Variants in SUPT20H observed in about 807,000 individuals in gnomAD.
SUPT20H encodes the protein SPT20 homolog, SAGA complex component, also known as transcription factor SPT20 homolog.
Under a neutral mutation model 122.8 loss-of-function variants are expected in SUPT20H, and 82 were observed. The ratio of observed to expected loss-of-function variants is 0.67; its 90% confidence interval spans 0.56 to 0.80. The LOEUF (loss-of-function observed/expected upper bound fraction) is 0.80. Ranked by LOEUF, SUPT20H falls within the 30% of genes least tolerant of loss-of-function variation. SUPT20H has a pLI of 0.00. For synonymous variants in SUPT20H, 291 were observed against 313.0 expected (o/e 0.93, Z 0.74); for missense variants, 831 against 921.6 (o/e 0.90, Z 1.27).
At position 37,028,229 on chromosome 13, in the gene SUPT20H, G is replaced by A. The variant is rs1487342895; in HGVS notation, c.1070C>T (p.Ser357Leu). The change falls in exon 14 of 26, where the codon TCG becomes TTG. Residue 357 changes from serine to leucine, a missense_variant. Ser to Leu is a moderately radical substitution (Grantham distance 145, BLOSUM62 -2). Transcript: ENST00000350612. ...ACCATAGTAAAGTGGATCTCCAAGC[G>A]ACTGCAAGATGGTCAGCTTTGTTTT... ...YQKTKLTILQ[S>L]LGDPLYYGKI... 5.6e-6 allele frequency: 9 copies of A among 1,613,224 alleles called. No homozygotes were observed. The highest frequency in any genetic ancestry group is 4.0e-5 in the African/African-American group (3 of 74,812).
intron 1 of SUPT20H, among the ~76,000 whole-genome samples, chr13:37,058,903 CT>C (rs749840412): frequency 2.0e-5 from 3 of 152,214 alleles, no homozygotes; most frequent in Non-Finnish European, 4.4e-5. Flanking sequence ...CCCAAGTACA[CT>C]GTACTCGACT....
intron 2 of SUPT20H, among the ~76,000 whole-genome samples, chr13:37,051,194 C>T (rs1326081512): frequency 6.6e-6 from 1 of 152,118 alleles, no homozygotes; most frequent in Non-Finnish European, 1.5e-5. Context: ...TATTTATACC[C>T]ATCCTCCTTG....
chr13:37,055,839 A>C (rs2068842295), intron 1 of SUPT20H, among the ~76,000 whole-genome samples: 3 of 152,160 alleles, frequency 2.0e-5, no homozygotes, highest in Non-Finnish European at 4.4e-5. Context: ...CAACCTACAG[A>C]ATGGGAGAAA....
At chr13:37,024,975 TC>T in intron 17 of SUPT20H, 1 of 224,340 alleles carries the variant, frequency 4.5e-6, no homozygotes, top group Non-Finnish European at 9.0e-6. Context: ...GGAGTCTTGC[TC>T]TGTTGCCCAG....
rs2063813375 is a variant in SUPT20H, at chr13:37,033,688, A to T, written c.568-100T>A. The T allele has an allele frequency of 2.3e-6, 3 of 1,317,036 alleles. No individual in the cohort carries two copies. In the Admixed American group the frequency reaches 6.6e-5, roughly 29 times the overall value. 81.6% of individuals were successfully genotyped at this position (1,317,036 alleles called of 1,614,324 possible). A position where few individuals can be genotyped will look rare whatever the true frequency, so the allele number is the denominator to read the frequency against. On this transcript the variant is annotated intron_variant, in intron 9 of 25. Transcript: ENST00000350612. ...TAGAAATATTCCCTGGAATTCTGCT[A>T]AGGACTACAGTAAAATATGGTATTT...
chr13:37,019,429 T>C lies in SUPT20H; in HGVS notation c.1817-32A>G, dbSNP rs772397258. On this transcript the variant is annotated intron_variant, in intron 21 of 25. Coordinates refer to ENST00000350612, the MANE Select transcript of SUPT20H (RefSeq NM_001014286.3). The stretch of plus-strand genomic sequence containing the variant: ...AATAAAACTCATGGTTATAACAGAA[T>C]TGAAAGTTTATTACACATGAAAATA... The C allele has an allele frequency of 1.1e-5, 16 of 1,504,616 alleles. No individual in the cohort carries two copies. In the South Asian group the frequency reaches 1.2e-4, roughly 12 times the overall value. 93.2% of individuals were successfully genotyped at this position (1,504,616 alleles called of 1,614,324 possible). A position where few individuals can be genotyped will look rare whatever the true frequency, so the allele number is the denominator to read the frequency against.
chr13:37,041,489 G>A (rs1243918839), intron 7 of SUPT20H, among the ~76,000 whole-genome samples: 1 of 150,866 alleles, frequency 6.6e-6, no homozygotes, highest in African/African-American at 2.4e-5. Flanking sequence ...CTGCATTCCA[G>A]CCTGGGTGAC....
chr13:37,037,335 C>T (rs2064666534), intron 9 of SUPT20H, among the ~76,000 whole-genome samples: 1 of 152,160 alleles, frequency 6.6e-6, no homozygotes, highest in South Asian at 2.1e-4. Context: ...TGTTCAAGGT[C>T]AACTATATAG....
At chr13:37,024,912 A>C (rs2061970611) in intron 17 of SUPT20H, 1 of 176,046 alleles carries the variant, frequency 5.7e-6, no homozygotes, top group Non-Finnish European at 1.2e-5. Flanking sequence ...GTAGAAACAA[A>C]ACTAAACTGT....
At chr13:37,023,587 T>G (rs975432577) in intron 19 of SUPT20H, 1 of 152,950 alleles carries the variant, frequency 6.5e-6, no homozygotes, top group African/African-American at 2.4e-5. Flanking sequence ...GTTTATTGTA[T>G]CACCACCTTG....
chr13:37,023,610 T>G (rs934073123), intron 19 of SUPT20H: 1 of 153,548 alleles, frequency 6.5e-6, no homozygotes. Context: ...ACTAGTTGAC[T>G]TCTTACATAT....
intron 23 of SUPT20H, among the ~76,000 whole-genome samples, chr13:37,015,505 A>G (rs1281747221): frequency 6.6e-6 from 1 of 151,948 alleles, no homozygotes; most frequent in African/African-American, 2.4e-5. Context: ...AAAATTCCCT[A>G]AAGACCCAAC....
chr13:37,055,684 T>C (rs1304360314), intron 1 of SUPT20H, among the ~76,000 whole-genome samples: 1 of 152,166 alleles, frequency 6.6e-6, no homozygotes, highest in Non-Finnish European at 1.5e-5. Context: ...ACCTAGGCAA[T>C]ACCATTCAGG....
intron 19 of SUPT20H, chr13:37,023,633 G>C (rs1431648528): frequency 6.5e-6 from 1 of 154,322 alleles, no homozygotes; most frequent in Non-Finnish European, 1.4e-5. Flanking sequence ...ACAAAGATAG[G>C]ACCTGCAGCA....
chr13:37,033,353 T>C (rs2063740766), intron 10 of SUPT20H, 96 bp downstream of exon 10: 6 of 1,458,304 alleles, frequency 4.1e-6, no homozygotes, highest in Non-Finnish European at 5.5e-6. Flanking sequence ...CCCACCAAAA[T>C]CGGAGCAACC....
At chr13:37,033,298 T>G in intron 10 of SUPT20H, 151 bp downstream of exon 10, 44 of 932,482 alleles carry the variant, frequency 4.7e-5, no homozygotes, top group Non-Finnish European at 5.9e-5. Context: ...GCCAAGAGTT[T>G]GAGACTAGCC....
chr13:37,028,486 CT>C (rs1487974181), intron 13 of SUPT20H, among the ~76,000 whole-genome samples, 181 bp from the exon 14 acceptor site: 1 of 152,036 alleles, frequency 6.6e-6, no homozygotes, highest in Non-Finnish European at 1.5e-5. Flanking sequence ...GGTTCTTTTC[CT>C]AAAAACTATA....
In SUPT20H at chr13:37,026,817, C is replaced by A; in HGVS notation, c.1152-1G>T. 7.0e-7 allele frequency: 1 copy of A among 1,429,172 alleles called. No individual in the cohort carries two copies. Among genetic ancestry groups the A allele is most frequent in the Non-Finnish European group, 9.3e-7 (1 of 1,078,560 alleles). The allele number at this position is 1,429,172 out of a possible 1,614,324, so 88.5% of individuals were successfully genotyped here. A position where few individuals can be genotyped will look rare whatever the true frequency, so the allele number is the denominator to read the frequency against. ...ATTTGAATGATCATCTGTGGACGAG[C>A]TGAAATATAAAATGTAAAAAAAAGC... is the stretch of plus-strand genomic sequence containing the variant. On this transcript the variant is annotated splice_acceptor_variant, in intron 14 of 25. Transcript: ENST00000350612. LOFTEE classifies it high-confidence loss of function.
chr13:37,055,132 G>T (rs891998087), intron 1 of SUPT20H, among the ~76,000 whole-genome samples: 23 of 152,196 alleles, frequency 1.5e-4, no homozygotes, highest in Non-Finnish European at 3.2e-4. Flanking sequence ...ACAAACAAAT[G>T]GAAGAACATT....
Sources: gnomAD v4.1 joint callset for allele counts (sites outside exome capture counted in the v4.1 genomes callset) on GRCh38, gnomAD v4.1.1 for gene constraint, MANE v1.5 for transcripts, NCBI Gene and HGNC (gene_info 2026-07-23, HGNC 2026-07-21) for gene names.